PAN3: variants seen among roughly 807,000 people sequenced by gnomAD.
PAN3 encodes PAN2-PAN3 deadenylation complex subunit PAN3.
A neutral mutation model predicts 96.2 loss-of-function variants in PAN3; 19 were observed. The ratio of observed to expected loss-of-function variants is 0.20; its 90% CI spans 0.14 to 0.29. The LOEUF is 0.29. Among genes scored for constraint, PAN3 ranks in the 10% least tolerant of loss-of-function variants. PAN3 has a pLI of 1.00. For missense variants in PAN3, 882 were observed against 1,108.1 expected (o/e 0.80, Z 2.90); for synonymous variants, 433 against 406.6 (o/e 1.06, Z -0.78).
chr13:28,273,668 G>C (rs896053724), intron 14 of PAN3, among the ~76,000 whole-genome samples: 9 of 152,072 alleles, frequency 5.9e-5, no homozygotes, highest in African/African-American at 1.9e-4. Context: ...AAAGTAAATA[G>C]GTCATTCAGT....
intron 15 of PAN3, 103 bp downstream of exon 15, chr13:28,277,479 A>G: frequency 8.6e-7 from 1 of 1,159,672 alleles, no homozygotes; most frequent in South Asian, 1.5e-5. Flanking sequence ...TTTAAAATCA[A>G]GCAAAACAGA....
At chr13:28,272,463 A>G (rs1477984128) in intron 14 of PAN3, 1 of 154,798 alleles carries the variant, frequency 6.5e-6, no homozygotes, top group Non-Finnish European at 1.4e-5. Context: ...TTTTGTAGAG[A>G]TAGAGGCTCA....
chr13:28,291,845 T>C (rs1869791198), intron 18 of PAN3, among the ~76,000 whole-genome samples: 1 of 152,058 alleles, frequency 6.6e-6, no homozygotes, highest in African/African-American at 2.4e-5. Context: ...ATTAAATAAA[T>C]AAAAATAAAA....
rs1306827589 is a variant in PAN3 at position 28,270,701 on chromosome 13, G to C, written c.1793G>C (p.Gly598Ala). The C allele has an allele frequency of 9.3e-6, 15 of 1,613,290 alleles. No homozygotes were observed. Among genetic ancestry groups the C allele is most frequent in the Non-Finnish European group, 1.1e-5 (13 of 1,179,632 alleles). ...TTTTTTGGATTTCTTTGCTGTATAG[G>C]TCAGCACGAGGGACCATTGCCCAGG... ...ADAYFTKRKW[G>A]QHEGPLPRQH... Residue 598 changes from glycine (G) to alanine (A), a missense_variant and splice_region_variant, in exon 13 of 19, where the codon GGT (glycine) becomes GCT (alanine). By Grantham distance (60) the Gly-to-Ala change is moderately conservative. Around this residue, in one of 3 missense-constraint regions of PAN3, gnomAD observed 364 missense variants for 513.6 expected, o/e 0.71. Coordinates refer to ENST00000380958, the MANE Select transcript of PAN3 (RefSeq NM_175854.8).
intron 14 of PAN3, among the ~76,000 whole-genome samples, chr13:28,276,073 C>G (rs185774331): frequency 1.8e-3 from 271 of 152,170 alleles, no homozygotes; most frequent in African/African-American, 6.2e-3. Flanking sequence ...TCCAACAAAC[C>G]AGTGGTTCTC....
intron 4 of PAN3, among the ~76,000 whole-genome samples, chr13:28,192,301 C>T (rs1167832425): frequency 1.3e-5 from 2 of 152,104 alleles, no homozygotes. Context: ...AATTTCTGAC[C>T]TCATGATCCG....
intron 14 of PAN3, chr13:28,272,412 G>A: frequency 5.8e-6 from 1 of 172,560 alleles, no homozygotes. Context: ...GACTACAGAT[G>A]TGCACTACTG....
chr13:28,167,900 A>G (rs917896183), intron 1 of PAN3, among the ~76,000 whole-genome samples: 2 of 152,232 alleles, frequency 1.3e-5, no homozygotes, highest in African/African-American at 4.8e-5. Context: ...ATAAGCAATT[A>G]AGAGAAGCAA....
At chr13:28,220,431 C>A in intron 6 of PAN3, 53 bp downstream of exon 6, 1 of 1,543,260 alleles carries the variant, frequency 6.5e-7, no homozygotes, top group South Asian at 1.2e-5. Context: ...CTGTAAGCAC[C>A]ATTTACTATT....
Position 28,140,410 on chromosome 13 carries a change from AAAATAATCTG to A in PAN3, c.430+1325_430+1334del, listed in dbSNP as rs574929638. ...TGGGAATTCTGGAGAACTAGATCTTAAAATAATCTGATAGGCAGTTCAATTTGTACATGAG... is the reference window on the plus strand; with the variant it reads ...TGGGAATTCTGGAGAACTAGATCTTAATAGGCAGTTCAATTTGTACATGAG... On this transcript the variant is annotated intron_variant, in intron 1 of 18. Transcript: ENST00000380958. 3.0e-3 allele frequency among the ~76,000 whole-genome samples: 456 copies of A among 152,334 alleles called. 5 individuals are homozygous for A. Among genetic ancestry groups the A allele is most frequent in the African/African-American group, 0.01 (432 of 41,580 alleles).
At chr13:28,280,982 G>A (rs1282111607) in intron 16 of PAN3, among the ~76,000 whole-genome samples, 2 of 152,166 alleles carry the variant, frequency 1.3e-5, no homozygotes, top group African/African-American at 4.8e-5. Flanking sequence ...ATTTTTGTCG[G>A]CACTGAATGT....
intron 5 of PAN3, among the ~76,000 whole-genome samples, chr13:28,213,229 A>G (rs1880270313): frequency 6.6e-6 from 1 of 152,180 alleles, no homozygotes; most frequent in African/African-American, 2.4e-5. Context: ...TAAGTAATCT[A>G]GAGATGATTT....
intron 1 of PAN3, among the ~76,000 whole-genome samples, chr13:28,144,579 CAAAT>C (rs1258012175): frequency 1.3e-5 from 2 of 151,944 alleles, no homozygotes; most frequent in Non-Finnish European, 2.9e-5. Context: ...ATTGAGTTAA[CAAAT>C]AAAGCACTTT....
intron 1 of PAN3, among the ~76,000 whole-genome samples, chr13:28,147,671 T>A (rs1870849660): frequency 6.6e-6 from 1 of 152,200 alleles, no homozygotes; most frequent in Non-Finnish European, 1.5e-5. Context: ...CACGAATCAC[T>A]AACCTGGGAA....
intron 1 of PAN3, among the ~76,000 whole-genome samples, chr13:28,141,011 T>TTATTTTA (rs1555266992): frequency 3.1e-4 from 46 of 148,816 alleles, no homozygotes; most frequent in South Asian, 6.5e-4. Flanking sequence ...CACTTTTTTT[T>TTATTTTA]TTTTTTTTTT....
intron 13 of PAN3, among the ~76,000 whole-genome samples, chr13:28,271,109 G>A (rs1485005026): frequency 1.3e-5 from 2 of 152,068 alleles, no homozygotes; most frequent in Non-Finnish European, 1.5e-5. Context: ...TAGGGTTAGG[G>A]GAATATAAAA....
At chr13:28,139,136 G>C (rs1315752349) in intron 1 of PAN3, 49 bp downstream of exon 1, 2 of 1,265,976 alleles carry the variant, frequency 1.6e-6, no homozygotes, top group African/African-American at 3.1e-5. Context: ...GGGCAGGCCT[G>C]GGCCGGATGA....
chr13:28,250,335 A>G (rs1159655874), intron 6 of PAN3, among the ~76,000 whole-genome samples: 1 of 151,888 alleles, frequency 6.6e-6, no homozygotes, highest in Non-Finnish European at 1.5e-5. Flanking sequence ...AGCTGGGACT[A>G]CAGGTGCATA....
intron 6 of PAN3, among the ~76,000 whole-genome samples, chr13:28,251,653 G>C (rs928855258): frequency 1.6e-4 from 24 of 152,182 alleles, no homozygotes; most frequent in African/African-American, 5.5e-4. Flanking sequence ...TGAGCTGATA[G>C]AAATGTCCTG....
Sources: gnomAD v4.1 joint callset for allele counts (sites outside exome capture counted in the v4.1 genomes callset) on GRCh38, gnomAD v4.1.1 for gene constraint, gnomAD v4.1.1 regional missense constraint, MANE v1.5 for transcripts, NCBI Gene and HGNC (gene_info 2026-07-23, HGNC 2026-07-21) for gene names.